Variants in SEMA3A observed in about 807,000 individuals in gnomAD.
SEMA3A encodes semaphorin-3A.
A neutral mutation model predicts 97.9 loss-of-function variants in SEMA3A; 29 were observed. The observed-to-expected ratio is 0.30, with a 90% CI of 0.22 to 0.40. SEMA3A has a LOEUF of 0.40. Ranked by LOEUF, SEMA3A falls within the 10% of genes least tolerant of loss-of-function variation. SEMA3A has a pLI of 1.00. For missense variants in SEMA3A, 763 were observed against 951.3 expected (o/e 0.80, Z 2.60); for synonymous variants, 321 against 323.7 (o/e 0.99, Z 0.09).
Position 83,958,603 on chromosome 7 carries a change from T to A in SEMA3A, c.*2768A>T, listed in dbSNP as rs1361280547. 6.6e-6 allele frequency: 1 copy of A among 152,466 alleles called. No homozygotes were observed. The highest frequency in any genetic ancestry group is 1.5e-5 in the Non-Finnish European group (1 of 67,946). 9.4% of individuals were successfully genotyped at this position (152,466 alleles called of 1,614,324 possible). On this transcript the variant is annotated 3_prime_UTR_variant, in exon 17 of 17. Transcript: ENST00000265362. Reference sequence around the variant, plus strand: ...GCCTTTTAGGATGATGTTGAACACATTGAAATGGAGTACTTATAGAAAGTT... The same window carrying A: ...GCCTTTTAGGATGATGTTGAACACAATGAAATGGAGTACTTATAGAAAGTT...
intron 1 of SEMA3A, among the ~76,000 whole-genome samples, chr7:84,379,885 T>C (rs1279581931): frequency 6.6e-6 from 1 of 152,168 alleles, no homozygotes; most frequent in Non-Finnish European, 1.5e-5. Context: ...GCAGTATGAC[T>C]CACATACAAT....
intron 4 of SEMA3A, among the ~76,000 whole-genome samples, chr7:84,087,379 CAT>C (rs1178229128): frequency 6.6e-6 from 1 of 152,118 alleles, no homozygotes; most frequent in African/African-American, 2.4e-5. Context: ...AGTGTGTAGA[CAT>C]GGAGTCATTC....
intron 3 of SEMA3A, among the ~76,000 whole-genome samples, chr7:84,207,640 A>C (rs1399965777): frequency 6.6e-6 from 1 of 152,242 alleles, no homozygotes; most frequent in Non-Finnish European, 1.5e-5. Flanking sequence ...CATTACGTAT[A>C]GGTTTGACAA....
intron 1 of SEMA3A, among the ~76,000 whole-genome samples, chr7:84,422,934 T>C (rs1363872324): frequency 1.3e-5 from 2 of 152,002 alleles, no homozygotes; most frequent in Non-Finnish European, 2.9e-5. Context: ...CCCCAGTCTA[T>C]CCTTTTAACC....
At chr7:84,374,290 A>G (rs866370381) in intron 1 of SEMA3A, among the ~76,000 whole-genome samples, 36 of 152,382 alleles carry the variant, frequency 2.4e-4, no homozygotes, top group African/African-American at 8.7e-4. Flanking sequence ...ATGTGTGCAA[A>G]GATATTTATA....
intron 4 of SEMA3A, among the ~76,000 whole-genome samples, chr7:84,079,078 A>T (rs1183076711): frequency 6.6e-6 from 1 of 152,126 alleles, no homozygotes; most frequent in East Asian, 1.9e-4. Flanking sequence ...TTGTCTAGAG[A>T]TCAAGACATC....
rs1584320814 is a variant in SEMA3A at position 84,431,620 on chromosome 7, GA to G, written c.-245-59721del. Among the ~76,000 whole-genome samples the G allele has an allele frequency of 4.1e-5, 6 of 146,008 alleles. No homozygotes were observed. The South Asian group carries it at 1.3e-3, about 32-fold the overall frequency. The stretch of plus-strand genomic sequence containing the variant: ...AGAAGCTACAGAAAATTAAAAATCA[GA>G]GTTTTTTTTTTAACAAGGCTACCTA... On this transcript the variant is annotated intron_variant, in intron 1 of 3. Coordinates refer to the SEMA3A transcript ENST00000424555.
intron 2 of SEMA3A, among the ~76,000 whole-genome samples, chr7:84,359,588 G>A (rs568200813): frequency 1.1e-3 from 172 of 152,200 alleles, no homozygotes; most frequent in African/African-American, 3.8e-3. Flanking sequence ...AGGGATATTG[G>A]TCTACAATTC....
intron 4 of SEMA3A, among the ~76,000 whole-genome samples, chr7:84,084,750 G>T (rs977259898): frequency 6.6e-6 from 1 of 151,974 alleles, no homozygotes; most frequent in African/African-American, 2.4e-5. Context: ...TTTAAAAAAC[G>T]CAAAGCACTT....
At chr7:84,116,384 A>T (rs114475789) in intron 3 of SEMA3A, among the ~76,000 whole-genome samples, 1,664 of 152,108 alleles carry the variant, frequency 0.011, 28 homozygotes, top group African/African-American at 0.038. Context: ...TTAAAAGGAG[A>T]TTAAAAAGTA....
At chr7:84,013,021 A>T (rs560810259) in intron 7 of SEMA3A, among the ~76,000 whole-genome samples, 1 of 152,234 alleles carries the variant, frequency 6.6e-6, no homozygotes, top group South Asian at 2.1e-4. Flanking sequence ...TTAATTTTTC[A>T]GTAATTGAAT....
intron 3 of SEMA3A, among the ~76,000 whole-genome samples, chr7:84,220,126 ATATTTTGT>A (rs1562858534): frequency 6.6e-6 from 1 of 152,198 alleles, no homozygotes; most frequent in Non-Finnish European, 1.5e-5. Flanking sequence ...AATATTCTAA[ATATTTTGT>A]TATTTCAATA....
intron 1 of SEMA3A, among the ~76,000 whole-genome samples, chr7:84,392,377 T>A (rs1231399758): frequency 6.6e-6 from 1 of 152,216 alleles, no homozygotes; most frequent in South Asian, 2.1e-4. Flanking sequence ...ATTCTATTCA[T>A]GTTGTTGCAA....
chr7:83,975,691 T>C (rs1789121844), intron 15 of SEMA3A, among the ~76,000 whole-genome samples: 3 of 152,196 alleles, frequency 2.0e-5, no homozygotes, highest in Admixed American at 1.3e-4. Context: ...ATTGGTTCAG[T>C]TACATTCTCC....
intron 1 of SEMA3A, among the ~76,000 whole-genome samples, chr7:84,381,466 G>C (rs1398996821): frequency 6.6e-6 from 1 of 152,110 alleles, no homozygotes; most frequent in Non-Finnish European, 1.5e-5. Context: ...CAAGAATGAG[G>C]ACTAATGTCT....
rs557048499 is a variant in SEMA3A at position 84,173,283 on chromosome 7, C to T, written c.112+21192G>A. On this transcript the variant is annotated intron_variant, in intron 1 of 16. Coordinates refer to ENST00000265362, the MANE Select transcript of SEMA3A (RefSeq NM_006080.3). Reference sequence around the variant, plus strand: ...TATCTTTAAAAGTTTTGGCCAGGCGCGGTGGCTCACGTCCGTAATCCCAGC... The same window carrying T: ...TATCTTTAAAAGTTTTGGCCAGGCGTGGTGGCTCACGTCCGTAATCCCAGC... 6.6e-5 allele frequency among the ~76,000 whole-genome samples: 10 copies of T among 152,080 alleles called. No homozygotes were observed. The South Asian group carries it at 1.0e-3, about 16-fold the overall frequency.
intron 3 of SEMA3A, among the ~76,000 whole-genome samples, chr7:84,302,220 C>T (rs1313394329): frequency 6.6e-6 from 1 of 151,250 alleles, no homozygotes; most frequent in African/African-American, 2.4e-5. Context: ...CAAATTAATG[C>T]ATAGTATCAA....
chr7:84,373,243 C>A (rs746107074), intron 1 of SEMA3A, among the ~76,000 whole-genome samples: 11 of 152,152 alleles, frequency 7.2e-5, no homozygotes, highest in Admixed American at 5.2e-4. Context: ...TTAAGGCCAC[C>A]AACTTTCCTG....
intron 3 of SEMA3A, among the ~76,000 whole-genome samples, chr7:84,273,888 C>T (rs146225679): frequency 6.6e-6 from 1 of 151,932 alleles, no homozygotes; most frequent in African/African-American, 2.4e-5. Flanking sequence ...TATCCCTCTT[C>T]AAATGATTTG....
Sources: allele counts gnomAD v4.1 joint callset (sites outside exome capture counted in the v4.1 genomes callset), GRCh38; gene constraint gnomAD v4.1.1; transcripts MANE v1.5; gene names NCBI Gene and HGNC (gene_info 2026-07-23, HGNC 2026-07-21).